NCAM2: variants seen among roughly 807,000 people sequenced by gnomAD.
NCAM2 encodes the protein neural cell adhesion molecule 2.
Under a neutral mutation model 98.1 loss-of-function variants are expected in NCAM2, and 30 were observed. That is an observed-to-expected ratio of 0.31 (90% CI 0.23 to 0.41). The LOEUF is 0.41. NCAM2 is among the 10% of genes least tolerant of loss of function. The pLI, the probability that NCAM2 is intolerant of heterozygous loss-of-function variation, is 1.00. For missense variants in NCAM2, 867 were observed against 1,005.8 expected (o/e 0.86, Z 1.87); for synonymous variants, 368 against 342.4 (o/e 1.07, Z -0.83).
At chr21:21,037,360 T>C (rs1255356492) in intron 1 of NCAM2, among the ~76,000 whole-genome samples, 1 of 152,202 alleles carries the variant, frequency 6.6e-6, no homozygotes, top group Non-Finnish European at 1.5e-5. Flanking sequence ...ATACCCATAG[T>C]TTTCCATGTT....
rs559985529 is a variant in NCAM2 at position 21,502,187 on chromosome 21, CAAA to C, written c.2078-6663_2078-6661del. Among the ~76,000 whole-genome samples, 7 of 151,822 alleles carry C rather than the reference CAAA, an allele frequency of 4.6e-5. No individual in the cohort carries two copies. The South Asian group carries it at 1.0e-3, about 22-fold the overall frequency. On this transcript the variant is annotated intron_variant, in intron 15 of 17. Transcript: ENST00000400546. ...AACTTTAGACTATACTCATGCCTCT[CAAA>C]GAAGATACTTTTGGGGTATGTTTTA...
intron 1 of NCAM2, among the ~76,000 whole-genome samples, chr21:21,212,614 A>G (rs1211752808): frequency 6.6e-6 from 1 of 152,204 alleles, no homozygotes; most frequent in African/African-American, 2.4e-5. Flanking sequence ...GGGTCATATC[A>G]TTGACAATAT....
intron 16 of NCAM2, among the ~76,000 whole-genome samples, chr21:21,516,465 A>T (rs956703989): frequency 6.6e-6 from 1 of 152,158 alleles, no homozygotes; most frequent in African/African-American, 2.4e-5. Context: ...ATTTTTCAAA[A>T]TTGAAAAACA....
intron 5 of NCAM2, among the ~76,000 whole-genome samples, chr21:21,322,783 CAT>C (rs1465235615): frequency 6.6e-6 from 1 of 152,112 alleles, no homozygotes; most frequent in Non-Finnish European, 1.5e-5. Context: ...ACTCAGAAAA[CAT>C]ATGAAATTGC....
In NCAM2 at chr21:21,508,972, G is replaced by A; in HGVS notation, c.2199G>A (p.Met733Ile). ...TTATTCGGCAATGTGGGTTGCTGAT[G>A]TGCATCACTAGGAGAATGTGTGGAA... ...CFFIRQCGLL[M>I]CITRRMCGKK... The change falls in exon 16 of 18, where the codon ATG (methionine) becomes ATA (isoleucine). Residue 733 changes from methionine (M) to isoleucine (I), a missense_variant. This residue lies in a region of NCAM2 where 234 missense variants were observed against 333.8 expected (regional missense o/e 0.70). Transcript: ENST00000400546. The A allele has an allele frequency of 2.5e-6, 4 of 1,613,618 alleles. No homozygotes were observed. Among genetic ancestry groups the A allele is most frequent in the Non-Finnish European group, 2.5e-6 (3 of 1,179,792 alleles).
intron 9 of NCAM2, among the ~76,000 whole-genome samples, chr21:21,392,310 C>T (rs1364274888): frequency 1.3e-5 from 2 of 152,184 alleles, no homozygotes; most frequent in African/African-American, 4.8e-5. Flanking sequence ...CATAGTATTC[C>T]GTGGTGAACA....
chr21:21,449,871 A>AT (rs1980761175), intron 12 of NCAM2, among the ~76,000 whole-genome samples: 1 of 151,972 alleles, frequency 6.6e-6, no homozygotes, highest in African/African-American at 2.4e-5. Flanking sequence ...CTTGGTTCTC[A>AT]TTGCTTTTAC....
chr21:21,041,968 A>G (rs1007204151), intron 1 of NCAM2, among the ~76,000 whole-genome samples: 20 of 152,210 alleles, frequency 1.3e-4, no homozygotes, highest in East Asian at 1.9e-4. Flanking sequence ...ACAATAACCA[A>G]TTTGTAACAG....
intron 15 of NCAM2, among the ~76,000 whole-genome samples, chr21:21,497,369 TAC>T (rs1325639564): frequency 5.9e-5 from 9 of 152,280 alleles, no homozygotes; most frequent in Middle Eastern, 3.4e-3. Context: ...CTAAAAGGTA[TAC>T]AGTTTTACAA....
At chr21:21,294,968 C>G (rs567323097) in intron 5 of NCAM2, among the ~76,000 whole-genome samples, 1 of 151,944 alleles carries the variant, frequency 6.6e-6, no homozygotes, top group Non-Finnish European at 1.5e-5. Flanking sequence ...TTGACTTTGA[C>G]TGCTGCCCTA....
intron 1 of NCAM2, among the ~76,000 whole-genome samples, chr21:21,267,298 T>A (rs2147401610): frequency 6.6e-6 from 1 of 152,336 alleles, no homozygotes; most frequent in South Asian, 2.1e-4. Flanking sequence ...TACACAATGT[T>A]CTTCAAATAT....
intron 1 of NCAM2, among the ~76,000 whole-genome samples, chr21:21,257,249 G>A (rs1250606624): frequency 1.3e-5 from 2 of 152,154 alleles, no homozygotes; most frequent in Non-Finnish European, 2.9e-5. Flanking sequence ...TTATCTGGAG[G>A]TTCTGAACAA....
At chr21:21,231,040 A>C (rs2070604053) in intron 1 of NCAM2, among the ~76,000 whole-genome samples, 1 of 151,392 alleles carries the variant, frequency 6.6e-6, no homozygotes, top group Non-Finnish European at 1.5e-5. Flanking sequence ...AAATTTAAAA[A>C]TTTGCAAAAT....
chr21:21,342,533 C>T (rs187621349), intron 8 of NCAM2, among the ~76,000 whole-genome samples: 1 of 152,258 alleles, frequency 6.6e-6, no homozygotes, highest in Admixed American at 6.5e-5. Context: ...CTAAGAGCAG[C>T]CTGCTGTCTT....
intron 1 of NCAM2, among the ~76,000 whole-genome samples, chr21:21,116,161 A>G (rs2146545325): frequency 6.6e-6 from 1 of 152,096 alleles, no homozygotes; most frequent in Non-Finnish European, 1.5e-5. Context: ...TTTAGGATCC[A>G]TTTATTATTT....
At chr21:21,011,561 T>C (rs529209909) in intron 1 of NCAM2, among the ~76,000 whole-genome samples, 1 of 152,264 alleles carries the variant, frequency 6.6e-6, no homozygotes, top group East Asian at 1.9e-4. Flanking sequence ...TCGCCTTATA[T>C]AGTTATTTCT....
chr21:21,469,269 G>C (rs1179781156), intron 14 of NCAM2, among the ~76,000 whole-genome samples: 1 of 151,920 alleles, frequency 6.6e-6, no homozygotes, highest in African/African-American at 2.4e-5. Flanking sequence ...ACTTTAATTA[G>C]CACTATCCAG....
intron 1 of NCAM2, among the ~76,000 whole-genome samples, chr21:21,001,216 A>G (rs954402559): frequency 6.6e-6 from 1 of 152,172 alleles, no homozygotes; most frequent in African/African-American, 2.4e-5. Context: ...AGTGAATGCC[A>G]ATACTATAAT....
At chr21:21,127,120 C>T (rs961127721) in intron 1 of NCAM2, among the ~76,000 whole-genome samples, 8 of 151,654 alleles carry the variant, frequency 5.3e-5, no homozygotes, top group East Asian at 3.9e-4. Context: ...ATTTACATGA[C>T]GGTTTTATTT....
Sources: allele counts gnomAD v4.1 joint callset (sites outside exome capture counted in the v4.1 genomes callset), GRCh38; gene constraint gnomAD v4.1.1; regional missense constraint gnomAD v4.1.1; transcripts MANE v1.5; gene names NCBI Gene and HGNC (gene_info 2026-07-23, HGNC 2026-07-21).